Variants in PARD3 observed in about 807,000 individuals in gnomAD.
PARD3 encodes the protein partitioning defective 3 homolog.
PARD3 carries 75 observed loss-of-function variants against 155.4 expected under a neutral mutation model. The ratio of observed to expected loss-of-function variants is 0.48; its 90% CI spans 0.40 to 0.58. The LOEUF is 0.58. Ranked by LOEUF, PARD3 falls within the 20% of genes least tolerant of loss-of-function variation. The pLI is 0.00. For synonymous variants in PARD3, 576 were observed against 610.5 expected, an observed-to-expected ratio of 0.94 and a Z score of 0.83; for missense variants, 1,642 against 1,721.7, an observed-to-expected ratio of 0.95 and a Z score of 0.82.
chr10:34,376,893 T>C (rs921165095), intron 10 of PARD3, among the ~76,000 whole-genome samples: 5 of 152,170 alleles, frequency 3.3e-5, no homozygotes, highest in African/African-American at 1.2e-4. Flanking sequence ...ATACAGACTA[T>C]ATTTTCTTTA....
chr10:34,427,826 G>A (rs772336394), intron 5 of PARD3, among the ~76,000 whole-genome samples: 2 of 152,074 alleles, frequency 1.3e-5, no homozygotes, highest in Admixed American at 6.6e-5. Flanking sequence ...AAGAAACTAC[G>A]TTGAATTATC....
chr10:34,200,550 G>A lies in PARD3; in HGVS notation c.3420-68967C>T, dbSNP rs372278424. ...GGAGTCTTAGTCTGTAGCAGAAAGAGGAAACTGTTGCCAGCCCTCTGCCCA... is the reference window on the plus strand; with the variant it reads ...GGAGTCTTAGTCTGTAGCAGAAAGAAGAAACTGTTGCCAGCCCTCTGCCCA... On this transcript the variant is annotated intron_variant, in intron 22 of 24. Coordinates refer to ENST00000374788, the MANE Select transcript of PARD3 (RefSeq NM_001184785.2). 1.2e-4 allele frequency among the ~76,000 whole-genome samples: 18 copies of A among 151,848 alleles called. No individual in the cohort carries two copies. The East Asian group carries it at 3.5e-3, about 29-fold the overall frequency.
chr10:34,591,316 T>C (rs1440579494), intron 2 of PARD3, among the ~76,000 whole-genome samples: 2 of 152,202 alleles, frequency 1.3e-5, no homozygotes, highest in African/African-American at 4.8e-5. Context: ...TTAGTAAATA[T>C]GGTCTTTCTG....
At chr10:34,641,793 C>T (rs1162724006) in intron 2 of PARD3, among the ~76,000 whole-genome samples, 1 of 152,166 alleles carries the variant, frequency 6.6e-6, no homozygotes, top group Non-Finnish European at 1.5e-5. Flanking sequence ...GTGGGAACAG[C>T]TCAGTAGGTG....
At chr10:34,122,396 G>A (rs956321565) in intron 23 of PARD3, among the ~76,000 whole-genome samples, 1 of 152,116 alleles carries the variant, frequency 6.6e-6, no homozygotes. Context: ...GACACTGTTC[G>A]CCTCAAACTT....
chr10:34,749,378 T>C (rs1835707417), intron 1 of PARD3, among the ~76,000 whole-genome samples: 1 of 152,140 alleles, frequency 6.6e-6, no homozygotes, highest in African/African-American at 2.4e-5. Context: ...TAAAACTGCA[T>C]ACTCGGAAAA....
intron 2 of PARD3, among the ~76,000 whole-genome samples, chr10:34,582,451 G>A (rs79794533): frequency 0.029 from 4,455 of 152,250 alleles, 219 homozygotes; most frequent in African/African-American, 0.1. Flanking sequence ...ATGACTCATG[G>A]GAACAAATAT....
intron 2 of PARD3, among the ~76,000 whole-genome samples, chr10:34,582,796 T>A (rs2087615569): frequency 6.6e-6 from 1 of 152,252 alleles, no homozygotes; most frequent in Non-Finnish European, 1.5e-5. Context: ...TGTTTTCGCA[T>A]GAGCTTTAAG....
At chr10:34,572,097 C>G (rs1046548807) in intron 2 of PARD3, among the ~76,000 whole-genome samples, 1 of 152,010 alleles carries the variant, frequency 6.6e-6, no homozygotes, top group African/African-American at 2.4e-5. Context: ...ACTCTAAATA[C>G]CTTCTACAAA....
intron 22 of PARD3, among the ~76,000 whole-genome samples, chr10:34,230,870 A>C (rs1425988984): frequency 6.6e-6 from 1 of 152,048 alleles, no homozygotes; most frequent in South Asian, 2.1e-4. Context: ...TTTATCAAAA[A>C]ATTTAAACAT....
intron 22 of PARD3, among the ~76,000 whole-genome samples, chr10:34,183,194 C>T (rs1278889490): frequency 6.6e-6 from 1 of 152,204 alleles, no homozygotes; most frequent in Non-Finnish European, 1.5e-5. Context: ...ACTATTAACA[C>T]AGCAACAGAA....
chr10:34,518,852 T>C (rs918093703), intron 2 of PARD3, among the ~76,000 whole-genome samples: 2 of 152,180 alleles, frequency 1.3e-5, no homozygotes, highest in Non-Finnish European at 2.9e-5. Context: ...AGAAGAGTCA[T>C]TTTGACTAAA....
intron 19 of PARD3, among the ~76,000 whole-genome samples, chr10:34,318,910 C>T (rs910020177): frequency 1.3e-5 from 2 of 151,296 alleles, no homozygotes; most frequent in Non-Finnish European, 1.5e-5. Context: ...GGATTACAGG[C>T]GCCCACCACC....
intron 2 of PARD3, among the ~76,000 whole-genome samples, chr10:34,567,542 G>C (rs913248341): frequency 5.9e-5 from 9 of 152,160 alleles, no homozygotes; most frequent in Non-Finnish European, 1.5e-5. Flanking sequence ...GTTTGACTTA[G>C]CATCAAACAA....
chr10:34,425,239 A>C (rs141281725), intron 5 of PARD3, among the ~76,000 whole-genome samples: 222 of 152,118 alleles, frequency 1.5e-3, no homozygotes, highest in Non-Finnish European at 2.6e-3. Context: ...TGAATGAAAC[A>C]TTCATTTGGA....
intron 1 of PARD3, among the ~76,000 whole-genome samples, chr10:34,732,992 G>A (rs2094846504): frequency 1.3e-5 from 2 of 152,094 alleles, no homozygotes; most frequent in South Asian, 4.1e-4. Context: ...CCAGTCTAGT[G>A]TCTCTTCCCC....
chr10:34,466,308 C>T (rs2078002175), intron 4 of PARD3, among the ~76,000 whole-genome samples: 1 of 152,128 alleles, frequency 6.6e-6, no homozygotes, highest in African/African-American at 2.4e-5. Flanking sequence ...ACACTCTGCC[C>T]ACTAAGCTAA....
At chr10:34,713,459 T>C (rs1189930619) in intron 1 of PARD3, among the ~76,000 whole-genome samples, 1 of 151,808 alleles carries the variant, frequency 6.6e-6, no homozygotes, top group Non-Finnish European at 1.5e-5. Flanking sequence ...GATTCAAAGC[T>C]GTAGAAAGAA....
chr10:34,539,314 T>G (rs1292403557), intron 2 of PARD3, among the ~76,000 whole-genome samples: 1 of 152,168 alleles, frequency 6.6e-6, no homozygotes, highest in Non-Finnish European at 1.5e-5. Flanking sequence ...ACCACCTTCA[T>G]CATTTAAAAA....
Sources: allele counts gnomAD v4.1 joint callset (sites outside exome capture counted in the v4.1 genomes callset), GRCh38; gene constraint gnomAD v4.1.1; transcripts MANE v1.5; gene names NCBI Gene and HGNC (gene_info 2026-07-23, HGNC 2026-07-21).